ZNF626: variants seen among roughly 807,000 people sequenced by gnomAD.
ZNF626 encodes zinc finger protein 626.
A neutral mutation model predicts 11.7 loss-of-function variants in ZNF626; 4 were observed. The ratio of observed to expected loss-of-function variants is 0.34; its 90% CI spans 0.17 to 0.78. ZNF626 has a LOEUF of 0.78. Among genes scored for constraint, ZNF626 ranks in the 30% least tolerant of loss-of-function variants. The pLI is 0.57. For missense variants in ZNF626, 588 were observed against 587.1 expected (o/e 1.00, Z -0.01); for synonymous variants, 179 against 198.6 (o/e 0.90, Z 0.83).
chr19:20,629,402 T>G (rs1395420397), intron 3 of ZNF626, among the ~76,000 whole-genome samples: 1 of 152,210 alleles, frequency 6.6e-6, no homozygotes, highest in Non-Finnish European at 1.5e-5. Context: ...TATTGATTCT[T>G]CCTATTCATG....
chr19:20,658,201 TTC>T (rs1466106023), intron 1 of ZNF626, among the ~76,000 whole-genome samples: 1 of 152,310 alleles, frequency 6.6e-6, no homozygotes, highest in South Asian at 2.1e-4. Flanking sequence ...TGGGGCTGTT[TTC>T]TGATTTATCT....
At chr19:20,651,156 C>A (rs274816) in intron 1 of ZNF626, among the ~76,000 whole-genome samples, 10,231 of 144,308 alleles carry the variant, frequency 0.071, 443 homozygotes, top group South Asian at 0.14. Flanking sequence ...CACTGAACTC[C>A]AGCCTGGGTG....
At chr19:20,637,840 A>G (rs782332198) in intron 3 of ZNF626, among the ~76,000 whole-genome samples, 8 of 152,168 alleles carry the variant, frequency 5.3e-5, no homozygotes, top group African/African-American at 9.7e-5. Flanking sequence ...TTAAGCAATC[A>G]TTTTAAATAT....
At chr19:20,633,961 CAA>C (rs1379502514) in intron 3 of ZNF626, among the ~76,000 whole-genome samples, 3 of 152,094 alleles carry the variant, frequency 2.0e-5, no homozygotes, top group African/African-American at 7.2e-5. Context: ...ATTATCAAAA[CAA>C]GAGGAGAAGG....
chr19:20,646,770 A>C (rs1480090977), intron 1 of ZNF626, among the ~76,000 whole-genome samples: 1 of 152,204 alleles, frequency 6.6e-6, no homozygotes, highest in Non-Finnish European at 1.5e-5. Flanking sequence ...TAAAGTTTTA[A>C]TATGTACAAT....
Position 20,625,137 on chromosome 19 carries a change from T to C in ZNF626, c.740A>G (p.His247Arg), listed in dbSNP as rs373904261. 6.8e-6 allele frequency: 11 copies of C among 1,613,232 alleles called. No homozygotes were observed. The highest frequency in any genetic ancestry group is 1.3e-5 in the African/African-American group (1 of 74,920). The change falls in exon 4 of 4, where the codon CAT (histidine) becomes CGT (arginine). Residue 247 changes from histidine to arginine, a missense_variant. Physicochemically the swap from His to Arg is conservative, Grantham distance 29. Transcript: ENST00000601440. The part of the protein sequence containing the change: ...AFKHSSTLTT[H>R]KRNHTGEKPY... ...TTTCTCTCCAGTATGATTTCTCTTA[T>C]GTGTAGTAAGAGTGGAGGAGTGCTT...
chr19:20,653,493 CAAAT>C (rs1237726111), intron 1 of ZNF626, among the ~76,000 whole-genome samples: 1 of 151,850 alleles, frequency 6.6e-6, no homozygotes, highest in Non-Finnish European at 1.5e-5. Flanking sequence ...TATTCAATGA[CAAAT>C]AAACTTTTCA....
intron 1 of ZNF626, among the ~76,000 whole-genome samples, chr19:20,656,539 C>T (rs1023517994): frequency 2.0e-5 from 3 of 152,042 alleles, no homozygotes; most frequent in Non-Finnish European, 4.4e-5. Flanking sequence ...CAAACGTTGT[C>T]TATGACAAAG....
intron 3 of ZNF626, among the ~76,000 whole-genome samples, chr19:20,626,680 A>G (rs750331982): frequency 1.3e-5 from 2 of 152,154 alleles, no homozygotes; most frequent in Non-Finnish European, 2.9e-5. Context: ...TGAATATTGT[A>G]CCACTGCACT....
At chr19:20,655,372 A>G (rs150169559) in intron 1 of ZNF626, among the ~76,000 whole-genome samples, 1 of 152,164 alleles carries the variant, frequency 6.6e-6, no homozygotes, top group African/African-American at 2.4e-5. Context: ...TGCTACCTTT[A>G]CTCCTATCTT....
intron 3 of ZNF626, among the ~76,000 whole-genome samples, chr19:20,626,509 A>T (rs932847412): frequency 6.6e-6 from 1 of 152,166 alleles, no homozygotes; most frequent in African/African-American, 2.4e-5. Context: ...ACATTAGGTG[A>T]GAATTTGAGA....
chr19:20,620,354 T>C lies in ZNF626; in HGVS notation c.*3936A>G, dbSNP rs1183345568. ...TTATTTTGTTCCAATAATTGCGTTT[T>C]CTTCTGAAAATATGTACAAATGCAT... is the stretch of plus-strand genomic sequence containing the variant. On this transcript the variant is annotated 3_prime_UTR_variant, in exon 4 of 4. Transcript: ENST00000601440. 3.3e-5 allele frequency: 5 copies of C among 152,198 alleles called. No homozygotes were observed. The highest frequency in any genetic ancestry group is 4.4e-5 in the Non-Finnish European group (3 of 68,040). The allele number at this position is 152,198 out of a possible 1,614,324, so 9.4% of individuals were successfully genotyped here. A position where few individuals can be genotyped will look rare whatever the true frequency, so the allele number is the denominator to read the frequency against.
intron 1 of ZNF626, among the ~76,000 whole-genome samples, chr19:20,652,505 CAA>C (rs1185029393): frequency 6.6e-6 from 1 of 152,062 alleles, no homozygotes; most frequent in African/African-American, 2.4e-5. Flanking sequence ...TATTTATTTA[CAA>C]AAATAACATT....
chr19:20,625,929 A>G (rs1969826106), intron 3 of ZNF626, among the ~76,000 whole-genome samples: 1 of 152,218 alleles, frequency 6.6e-6, no homozygotes, highest in South Asian at 2.1e-4. Context: ...TATACACAAC[A>G]CAGCTGGTTT....
intron 1 of ZNF626, among the ~76,000 whole-genome samples, chr19:20,661,213 C>T (rs1555773653): frequency 6.6e-6 from 1 of 150,932 alleles, no homozygotes; most frequent in African/African-American, 2.4e-5. Context: ...CCAGAGAGGG[C>T]TCCAGGCCAG....
rs1969776112 is a variant in ZNF626 at position 20,623,072 on chromosome 19, CTCT to C, written c.*1215_*1217del. Reference sequence around the variant, plus strand: ...GTAATGGTTGTCTTCAGAATAAATACTCTTCTTCACTTTAAAGGCTTATATTTT... The same window carrying C: ...GTAATGGTTGTCTTCAGAATAAATACTCTTCACTTTAAAGGCTTATATTTT... On this transcript the variant is annotated 3_prime_UTR_variant, in exon 4 of 4. Coordinates refer to ENST00000601440, the MANE Select transcript of ZNF626 (RefSeq NM_001076675.3). 6.6e-6 allele frequency: 1 copy of C among 152,284 alleles called. No individual in the cohort carries two copies. The highest frequency in any genetic ancestry group is 1.5e-5 in the Non-Finnish European group (1 of 68,050). The allele number at this position is 152,284 out of a possible 1,614,324, so 9.4% of individuals were successfully genotyped here. A position where few individuals can be genotyped will look rare whatever the true frequency, so the allele number is the denominator to read the frequency against.
At chr19:20,641,562 A>C (rs1555771462) in intron 3 of ZNF626, among the ~76,000 whole-genome samples, 1 of 152,144 alleles carries the variant, frequency 6.6e-6, no homozygotes, top group African/African-American at 2.4e-5. Flanking sequence ...TTGCATAACA[A>C]TGTGAATATA....
At position 20,645,788 on chromosome 19, in the gene ZNF626, T is replaced by C. The variant is rs1382936718; in HGVS notation, c.131-9A>G. 6.3e-7 allele frequency: 1 copy of C among 1,597,548 alleles called. No homozygotes were observed. Among genetic ancestry groups the C allele is most frequent in the Non-Finnish European group, 8.5e-7 (1 of 1,171,492 alleles). On this transcript the variant is annotated splice_polypyrimidine_tract_variant and intron_variant, in intron 2 of 3. Transcript: ENST00000601440. Reference sequence around the variant, plus strand: ...CTTAGAAACAGTAATACCTGTTTTATTAAAAATAAATAACATAAATCTTGC... The same window carrying C: ...CTTAGAAACAGTAATACCTGTTTTACTAAAAATAAATAACATAAATCTTGC...
rs374438429 is a variant in ZNF626 at position 20,622,892 on chromosome 19, A to G, written c.*1398T>C. 88 of 146,808 alleles carry G rather than the reference A, an allele frequency of 6.0e-4. No individual in the cohort carries two copies. Among genetic ancestry groups the G allele is most frequent in the African/African-American group, 2.0e-3 (79 of 39,342 alleles). 9.1% of individuals were successfully genotyped at this position (146,808 alleles called of 1,614,324 possible). ...TTTAGTATAAACTCTGCTGTTTTCT[A>G]AGCTGTAGTTTTTTTTTTTTAAAGT... On this transcript the variant is annotated 3_prime_UTR_variant, in exon 4 of 4. Transcript: ENST00000601440.
Sources: gnomAD v4.1 joint callset for allele counts (sites outside exome capture counted in the v4.1 genomes callset) on GRCh38, gnomAD v4.1.1 for gene constraint, MANE v1.5 for transcripts, NCBI Gene and HGNC (gene_info 2026-07-23, HGNC 2026-07-21) for gene names.